Variants in ZNF12 observed in about 807,000 individuals in gnomAD.
ZNF12 encodes zinc finger protein 12, also known as gonadotropin inducible transcription repressor 3.
A neutral mutation model predicts 66.6 loss-of-function variants in ZNF12; 34 were observed. That is an observed-to-expected ratio of 0.51 (90% CI 0.39 to 0.68). The LOEUF is 0.68. Ranked by LOEUF, ZNF12 falls within the 30% of genes least tolerant of loss-of-function variation. The pLI, the probability that ZNF12 is intolerant of heterozygous loss-of-function variation, is 0.00. For missense variants in ZNF12, 697 were observed against 826.9 expected, an observed-to-expected ratio of 0.84 and a Z score of 1.93; for synonymous variants, 320 against 278.9, an observed-to-expected ratio of 1.15 and a Z score of -1.47.
At position 6,692,416 on chromosome 7, in the gene ZNF12, G is replaced by A. The variant is rs762592846; in HGVS notation, c.526C>T (p.Leu176Phe). 1.2e-6 allele frequency: 2 copies of A among 1,613,218 alleles called. No individual in the cohort carries two copies. Among genetic ancestry groups the A allele is most frequent in the Non-Finnish European group, 1.7e-6 (2 of 1,179,544 alleles). ...TGAGTTTTCTCAAGCTTAATATGGA[G>A]GAGTGATTTCCCACATCCACTACAT... The part of the protein sequence containing the change: ...DECSGCGKSL[L>F]HIKLEKTHPG... The change falls in exon 5 of 5, where the codon CTC becomes TTC. Residue 176 changes from leucine (L) to phenylalanine (F), a missense_variant. This residue lies in a region of ZNF12 where 241 missense variants were observed against 224.0 expected (regional missense o/e 1.08). Coordinates refer to ENST00000405858, the MANE Select transcript of ZNF12 (RefSeq NM_016265.4). The surrounding 1 kb of genome is among the most constrained non-coding windows in gnomAD (Gnocchi z 5.1).
chr7:6,689,770 A>G lies in ZNF12; in HGVS notation c.*1078T>C, dbSNP rs141631129. 697 of 152,740 alleles carry G rather than the reference A, an allele frequency of 4.6e-3. 5 individuals carry two copies. Among genetic ancestry groups the G allele is most frequent in the African/African-American group, 0.015 (642 of 41,546 alleles). 9.5% of individuals were successfully genotyped at this position (152,740 alleles called of 1,614,324 possible). The stretch of plus-strand genomic sequence containing the variant: ...CCTTGTTAGAATGTGTTCTTAATTC[A>G]TTAACAGGAAGGAGTAGAGCACAAG... On this transcript the variant is annotated 3_prime_UTR_variant, in exon 5 of 5. Coordinates refer to ENST00000405858, the MANE Select transcript of ZNF12 (RefSeq NM_016265.4).
chr7:6,701,827 C>T (rs34899452), intron 2 of ZNF12, among the ~76,000 whole-genome samples: 5 of 151,886 alleles, frequency 3.3e-5, no homozygotes, highest in Non-Finnish European at 5.9e-5. Flanking sequence ...TTCTCATTCT[C>T]GACAGAATCA....
Position 6,692,443 on chromosome 7 carries a change from C to T in ZNF12, c.499G>A (p.Glu167Lys). The T allele has an allele frequency of 6.2e-7, 1 of 1,613,160 alleles. No homozygotes were observed. Among genetic ancestry groups the T allele is most frequent in the Non-Finnish European group, 8.5e-7 (1 of 1,179,444 alleles). Residue 167 changes from glutamate (E) to lysine (K), a missense_variant, in exon 5 of 5, where the codon GAA becomes AAA. Around this residue, in one of 3 missense-constraint regions of ZNF12, gnomAD observed 241 missense variants for 224.0 expected, o/e 1.08. Transcript: ENST00000405858. This position sits in a 1 kb window ranked among gnomAD's most constrained non-coding sequence, Gnocchi z 5.1. ...AGTGATTTCCCACATCCACTACATTCATCAGCTTTCATTCTTGCATAGCTT... is the reference window on the plus strand; with the variant it reads ...AGTGATTTCCCACATCCACTACATTTATCAGCTTTCATTCTTGCATAGCTT... Reference protein sequence around the residue: ...DGSYARMKADECSGCGKSLLH... With the variant: ...DGSYARMKADKCSGCGKSLLH...
rs1387391219 is a variant in ZNF12 at position 6,696,031 on chromosome 7, A to T, written c.238+1308T>A. ...CTAATATTGTTGAGATCCTTAAGGG[A>T]CAAGGAATTAAAATTCCCTTTAGGA... On this transcript the variant is annotated intron_variant, in intron 4 of 4. Coordinates refer to ENST00000405858, the MANE Select transcript of ZNF12 (RefSeq NM_016265.4). The surrounding 1 kb of genome is among the most constrained non-coding windows in gnomAD (Gnocchi z 4.0). 2.0e-5 allele frequency among the ~76,000 whole-genome samples: 3 copies of T among 152,228 alleles called. No homozygotes were observed. The highest frequency in any genetic ancestry group is 4.4e-5 in the Non-Finnish European group (3 of 68,040).
Position 6,698,019 on chromosome 7 carries a change from A to C in ZNF12, c.16-208T>G, listed in dbSNP as rs1780179157. ...AACAAAAAACAAAAAACAAAAAAACAACACTGGGATTGCACGGTGAGCCAG... is the reference window on the plus strand; with the variant it reads ...AACAAAAAACAAAAAACAAAAAAACCACACTGGGATTGCACGGTGAGCCAG... On this transcript the variant is annotated intron_variant, in intron 2 of 4. Coordinates refer to ENST00000405858, the MANE Select transcript of ZNF12 (RefSeq NM_016265.4). The surrounding 1 kb of genome is among the most constrained non-coding windows in gnomAD (Gnocchi z 4.4). 1 of 766,984 alleles carries C rather than the reference A, an allele frequency of 1.3e-6. No homozygotes were observed. Among genetic ancestry groups the C allele is most frequent in the East Asian group, 2.5e-5 (1 of 39,222 alleles). The allele number at this position is 766,984 out of a possible 1,614,324, so 47.5% of individuals were successfully genotyped here.
At chr7:6,704,527 G>A (rs958235542) in intron 2 of ZNF12, among the ~76,000 whole-genome samples, 1 of 140,128 alleles carries the variant, frequency 7.1e-6, no homozygotes, top group African/African-American at 2.7e-5. Flanking sequence ...TCAGGAGTTC[G>A]AGAGCAGCCT....
Position 6,706,687 on chromosome 7 carries a change from CG to C in ZNF12, c.-307del, listed in dbSNP as rs924618102. ...GTCGAGGACGCACACGGGCCGGGCC[CG>C]GGTCCCGCCGCCCCTTCGCCTCCGC... On this transcript the variant is annotated 5_prime_UTR_variant, in exon 1 of 5. Transcript: ENST00000405858. 2.9e-5 allele frequency: 8 copies of C among 275,396 alleles called. 1 individual carries two copies. Among genetic ancestry groups the C allele is most frequent in the Non-Finnish European group, 4.9e-5 (7 of 142,240 alleles). The allele number at this position is 275,396 out of a possible 1,614,324, so 17.1% of individuals were successfully genotyped here. A position where few individuals can be genotyped will look rare whatever the true frequency, so the allele number is the denominator to read the frequency against.
Position 6,705,283 on chromosome 7 carries a change from T to C in ZNF12, c.-50-60A>G. Reference sequence around the variant, plus strand: ...GCGGTCTGGCCTGCCAAGGCGGTCATCTCCCGCCCAAAACCTACACAGAAA... The same window carrying C: ...GCGGTCTGGCCTGCCAAGGCGGTCACCTCCCGCCCAAAACCTACACAGAAA... On this transcript the variant is annotated intron_variant, in intron 1 of 4. Coordinates refer to ENST00000405858, the MANE Select transcript of ZNF12 (RefSeq NM_016265.4). This position sits in a 1 kb window ranked among gnomAD's most constrained non-coding sequence, Gnocchi z 4.0. 1.5e-6 allele frequency: 2 copies of C among 1,328,598 alleles called. No individual in the cohort carries two copies. The highest frequency in any genetic ancestry group is 2.1e-6 in the Non-Finnish European group (2 of 940,828). The allele number at this position is 1,328,598 out of a possible 1,614,324, so 82.3% of individuals were successfully genotyped here. A position where few individuals can be genotyped will look rare whatever the true frequency, so the allele number is the denominator to read the frequency against.
rs985261220 is a variant in ZNF12 at position 6,692,540 on chromosome 7, G to C, written c.402C>G (p.Ala134=). 1 of 1,613,724 alleles carries C rather than the reference G, an allele frequency of 6.2e-7. No individual in the cohort carries two copies. The highest frequency in any genetic ancestry group is 8.5e-7 in the Non-Finnish European group (1 of 1,179,798). ...ATGAGTCACAGAGGCTATTTTTATA[G>C]GCTATTTTTCTTGAAGGAACAGGGT... ...ETNPVPSRKI[A]YKNSLCDSCE... Residue 134 remains alanine (A), a synonymous_variant, in exon 5 of 5, where the codon GCC becomes GCG. Transcript: ENST00000405858. The surrounding 1 kb of genome is among the most constrained non-coding windows in gnomAD (Gnocchi z 5.1).
rs369339204 is a variant in ZNF12, at chr7:6,700,146, G to A, written c.16-2335C>T. ...TAAAAATACAAAAAATTAGCCGGGCGTGGTGGCAGGCACCTGTAGTCCCAG... is the reference window on the plus strand; with the variant it reads ...TAAAAATACAAAAAATTAGCCGGGCATGGTGGCAGGCACCTGTAGTCCCAG... On this transcript the variant is annotated intron_variant, in intron 2 of 4. Transcript: ENST00000405858. Among the ~76,000 whole-genome samples, 237 of 151,828 alleles carry A rather than the reference G, an allele frequency of 1.6e-3. 1 individual carries two copies. The highest frequency in any genetic ancestry group is 5.3e-3 in the African/African-American group (221 of 41,402).
At position 6,696,983 on chromosome 7, in the gene ZNF12, C is replaced by G. The variant is rs1388687457; in HGVS notation, c.238+356G>C. On this transcript the variant is annotated intron_variant, in intron 4 of 4. Coordinates refer to ENST00000405858, the MANE Select transcript of ZNF12 (RefSeq NM_016265.4). The surrounding 1 kb of genome is among the most constrained non-coding windows in gnomAD (Gnocchi z 4.0). ...ACGGTAAAGATTAAAAAAAAAAAACCAGAAGTTACACGAAGAACACAAGAA... is the reference window on the plus strand; with the variant it reads ...ACGGTAAAGATTAAAAAAAAAAAACGAGAAGTTACACGAAGAACACAAGAA... Among the ~76,000 whole-genome samples, 1 of 150,974 alleles carries G rather than the reference C, an allele frequency of 6.6e-6. No individual in the cohort carries two copies. Among genetic ancestry groups the G allele is most frequent in the Non-Finnish European group, 1.5e-5 (1 of 67,744 alleles).
rs554449059 is a variant in ZNF12 at position 6,689,311 on chromosome 7, C to T, written c.*1537G>A. ...ATAATCCATTGCTGAAAGATGGTTACCAGGCACCACATCCAGACAAGGTAC... is the reference window on the plus strand; with the variant it reads ...ATAATCCATTGCTGAAAGATGGTTATCAGGCACCACATCCAGACAAGGTAC... On this transcript the variant is annotated 3_prime_UTR_variant, in exon 5 of 5. Coordinates refer to ENST00000405858, the MANE Select transcript of ZNF12 (RefSeq NM_016265.4). The T allele has an allele frequency of 6.6e-6, 1 of 152,330 alleles. No homozygotes were observed. Among genetic ancestry groups the T allele is most frequent in the Admixed American group, 6.5e-5 (1 of 15,302 alleles). 9.4% of individuals were successfully genotyped at this position (152,330 alleles called of 1,614,324 possible).
chr7:6,702,118 G>C (rs1028255331), intron 2 of ZNF12, among the ~76,000 whole-genome samples: 2 of 151,942 alleles, frequency 1.3e-5, no homozygotes, highest in African/African-American at 4.8e-5. Flanking sequence ...AGTCTTCCTT[G>C]GGCTGGACTC....
At position 6,691,087 on chromosome 7, in the gene ZNF12, A is replaced by G. The variant is rs781219076; in HGVS notation, c.1855T>C (p.Tyr619His). Reference sequence around the variant, plus strand: ...TGAATTCGATGATGTATAGTGAGATAGGACATCTGAGAGAAGCACTTCCCA... The same window carrying G: ...TGAATTCGATGATGTATAGTGAGATGGGACATCTGAGAGAAGCACTTCCCA... ...ECGKCFSQMSYLTIHHRIHSG... is the reference protein window; with the variant it reads ...ECGKCFSQMSHLTIHHRIHSG... The change falls in exon 5 of 5, where the codon TAT becomes CAT. Residue 619 changes from tyrosine (Y) to histidine (H), a missense_variant. Transcript: ENST00000405858. The G allele has an allele frequency of 6.2e-7, 1 of 1,614,136 alleles. No individual in the cohort carries two copies. Among genetic ancestry groups the G allele is most frequent in the Non-Finnish European group, 8.5e-7 (1 of 1,180,002 alleles).
In ZNF12 at chr7:6,690,860, T is replaced by C. The variant is rs1165979307; in HGVS notation, c.2082A>G (p.Gly694=). Residue 694 remains glycine (G), a synonymous_variant, in exon 5 of 5, where the codon GGA becomes GGG. Transcript: ENST00000405858. The part of the protein sequence containing the change: ...RRGNMNVIDV[G]RLL The stretch of plus-strand genomic sequence containing the variant: ...ATGAGGTCTGACTTCAGAGAAGCCT[T>C]CCCACATCTATTACATTCATATTGC... The C allele has an allele frequency of 3.7e-6, 6 of 1,610,020 alleles. No homozygotes were observed. In the East Asian group the frequency reaches 1.3e-4, roughly 36 times the overall value.
rs889295807 is a variant in ZNF12, at chr7:6,689,208, C to G, written c.*1640G>C. The G allele has an allele frequency of 6.6e-6, 1 of 152,196 alleles. No individual in the cohort carries two copies. The highest frequency in any genetic ancestry group is 1.5e-5 in the Non-Finnish European group (1 of 68,054). 9.4% of individuals were successfully genotyped at this position (152,196 alleles called of 1,614,324 possible). ...GTCCAAAGGAGGAGTGGCTACAAGGCTGCTTGGTTTGGTGGCTCAAAGACA... is the reference window on the plus strand; with the variant it reads ...GTCCAAAGGAGGAGTGGCTACAAGGGTGCTTGGTTTGGTGGCTCAAAGACA... On this transcript the variant is annotated 3_prime_UTR_variant, in exon 5 of 5. Coordinates refer to ENST00000405858, the MANE Select transcript of ZNF12 (RefSeq NM_016265.4).
rs1258852358 is a variant in ZNF12, at chr7:6,697,691, A to T, written c.136T>A (p.Ser46Thr). 4 of 1,614,104 alleles carry T rather than the reference A, an allele frequency of 2.5e-6. No homozygotes were observed. The highest frequency in any genetic ancestry group is 3.4e-6 in the Non-Finnish European group (4 of 1,179,988). ...GAAAGCAAGCTATCCTCACCCACAGAAACTAGATTGCTGTAGTTCTCCAGC... is the reference window on the plus strand; with the variant it reads ...GAAAGCAAGCTATCCTCACCCACAGTAACTAGATTGCTGTAGTTCTCCAGC... ...VMLENYSNLV[S>T]VGYHIIKPDV... Residue 46 changes from serine (S) to threonine (T), a missense_variant, in exon 3 of 5, where the codon TCT (serine) becomes ACT (threonine). This residue lies in a region of ZNF12 where 55 missense variants were observed against 83.9 expected (regional missense o/e 0.66). Transcript: ENST00000405858. The surrounding 1 kb of genome is among the most constrained non-coding windows in gnomAD (Gnocchi z 6.1).
At chr7:6,700,805 C>A (rs1460925908) in intron 2 of ZNF12, 1 of 152,166 alleles carries the variant, frequency 6.6e-6, no homozygotes, top group African/African-American at 2.4e-5. Flanking sequence ...TCTCACCAGC[C>A]CTCCAGGAGA....
rs1473118902 is a variant in ZNF12 at position 6,691,287 on chromosome 7, T to C, written c.1655A>G (p.Tyr552Cys). ...CTGAGAGAAGAATTTTCCACATATA[T>C]AGCATTCATAGGGCTTCTCTCCTTT... ...IHKGEKPYEC[Y>C]ICGKFFSQMS... Residue 552 changes from tyrosine to cysteine, a missense_variant, in exon 5 of 5, where the codon TAT becomes TGT. By Grantham distance (194) the Tyr-to-Cys change is radical. Coordinates refer to ENST00000405858, the MANE Select transcript of ZNF12 (RefSeq NM_016265.4). 1 of 1,613,860 alleles carries C rather than the reference T, an allele frequency of 6.2e-7. No individual in the cohort carries two copies. Among genetic ancestry groups the C allele is most frequent in the African/African-American group, 1.3e-5 (1 of 74,906 alleles).
Sources: allele counts gnomAD v4.1 joint callset (sites outside exome capture counted in the v4.1 genomes callset), GRCh38; gene constraint gnomAD v4.1.1; regional missense constraint gnomAD v4.1.1; non-coding constraint Gnocchi (gnomAD v3.1); transcripts MANE v1.5; gene names NCBI Gene and HGNC (gene_info 2026-07-23, HGNC 2026-07-21).